The following RNGTT variants were observed in gnomAD, a reference collection of about 807,000 sequenced individuals.
RNGTT encodes the protein RNA guanylyltransferase and 5'-phosphatase.
In RNGTT, 33 loss-of-function variants were observed where a neutral mutation model predicts 79.3. That is an observed-to-expected ratio of 0.42 (90% CI 0.32 to 0.56). The LOEUF (loss-of-function observed/expected upper bound fraction) is 0.56. RNGTT is among the 20% of genes least tolerant of loss of function. The pLI, the probability that RNGTT is intolerant of heterozygous loss-of-function variation, is 0.17. For synonymous variants in RNGTT, 222 were observed against 235.9 expected, an observed-to-expected ratio of 0.94 and a Z score of 0.54; for missense variants, 497 against 739.1, an observed-to-expected ratio of 0.67 and a Z score of 3.80.
chr6:88,740,825 T>C (rs1777462145), intron 13 of RNGTT, among the ~76,000 whole-genome samples: 1 of 152,076 alleles, frequency 6.6e-6, no homozygotes, highest in Non-Finnish European at 1.5e-5. Flanking sequence ...CAAACTACCA[T>C]GGCACACATA....
chr6:88,782,397 A>T (rs1779093501), intron 12 of RNGTT, among the ~76,000 whole-genome samples: 1 of 152,070 alleles, frequency 6.6e-6, no homozygotes, highest in Non-Finnish European at 1.5e-5. Context: ...ATACACAAAA[A>T]TCAACTCAAA....
At chr6:88,819,466 T>C (rs901703283) in intron 11 of RNGTT, among the ~76,000 whole-genome samples, 1 of 152,216 alleles carries the variant, frequency 6.6e-6, no homozygotes, top group African/African-American at 2.4e-5. Context: ...ATCCAAACAG[T>C]AGGATCTGCA....
chr6:88,883,258 T>C (rs947565926), intron 8 of RNGTT, among the ~76,000 whole-genome samples: 2 of 151,944 alleles, frequency 1.3e-5, no homozygotes, highest in African/African-American at 4.8e-5. Context: ...TAAATCCATG[T>C]CTTACTTTGC....
At chr6:88,956,012 G>A (rs1368726609) in intron 1 of RNGTT, among the ~76,000 whole-genome samples, 1 of 135,284 alleles carries the variant, frequency 7.4e-6, no homozygotes, top group Non-Finnish European at 1.5e-5. Context: ...CTGCACTCCA[G>A]CCTGGGTGAC....
intron 8 of RNGTT, among the ~76,000 whole-genome samples, chr6:88,883,645 T>C (rs914842129): frequency 6.6e-6 from 1 of 152,152 alleles, no homozygotes; most frequent in Non-Finnish European, 1.5e-5. Flanking sequence ...AGATTGCCTA[T>C]AATTTAAAAA....
At chr6:88,953,394 C>A (rs924194789) in intron 1 of RNGTT, among the ~76,000 whole-genome samples, 18 of 151,962 alleles carry the variant, frequency 1.2e-4, no homozygotes, top group Non-Finnish European at 2.5e-4. Context: ...GAAGACAAAG[C>A]TTTCAAATTA....
intron 13 of RNGTT, among the ~76,000 whole-genome samples, chr6:88,686,537 C>T (rs1417478032): frequency 6.6e-6 from 1 of 151,886 alleles, no homozygotes; most frequent in Non-Finnish European, 1.5e-5. Context: ...TCTCATGAAG[C>T]TTTAGCAATA....
chr6:88,656,810 C>T (rs207467230), intron 14 of RNGTT, among the ~76,000 whole-genome samples: 1 of 151,544 alleles, frequency 6.6e-6, no homozygotes, highest in Non-Finnish European at 1.5e-5. Context: ...TTGAGGAAGG[C>T]CAGGCACAGT....
At chr6:88,879,877 G>C (rs1403938950) in intron 8 of RNGTT, among the ~76,000 whole-genome samples, 1 of 152,072 alleles carries the variant, frequency 6.6e-6, no homozygotes, top group Non-Finnish European at 1.5e-5. Flanking sequence ...AGCCAAATGT[G>C]ACCTGCTAAT....
intron 13 of RNGTT, among the ~76,000 whole-genome samples, chr6:88,680,677 G>A (rs1775060075): frequency 6.6e-6 from 1 of 151,562 alleles, no homozygotes; most frequent in Non-Finnish European, 1.5e-5. Flanking sequence ...AGGAGGCAGA[G>A]GTTGCAGTGA....
chr6:88,677,285 G>GAAAAA (rs35139705), intron 14 of RNGTT, among the ~76,000 whole-genome samples: 1 of 109,222 alleles, frequency 9.2e-6, no homozygotes, highest in Non-Finnish European at 1.9e-5. Flanking sequence ...TGGAGACCAG[G>GAAAAA]AAAAAAAAAA....
At chr6:88,726,650 G>A (rs1776918299) in intron 13 of RNGTT, among the ~76,000 whole-genome samples, 1 of 152,152 alleles carries the variant, frequency 6.6e-6, no homozygotes, top group Non-Finnish European at 1.5e-5. Flanking sequence ...TTCAGTAAGT[G>A]ATAAGGAAAC....
At chr6:88,901,820 G>GA (rs915586677) in intron 6 of RNGTT, among the ~76,000 whole-genome samples, 14 of 151,868 alleles carry the variant, frequency 9.2e-5, no homozygotes, top group Non-Finnish European at 8.8e-5. Context: ...TTTATACTCA[G>GA]AAAAAACATT....
chr6:88,762,042 T>C (rs1778278722), intron 13 of RNGTT, among the ~76,000 whole-genome samples: 1 of 152,040 alleles, frequency 6.6e-6, no homozygotes, highest in Non-Finnish European at 1.5e-5. Flanking sequence ...TACCAGACAC[T>C]TACTTTAAAC....
At chr6:88,699,415 T>C (rs1232947963) in intron 13 of RNGTT, among the ~76,000 whole-genome samples, 1 of 152,200 alleles carries the variant, frequency 6.6e-6, no homozygotes, top group Non-Finnish European at 1.5e-5. Flanking sequence ...TTTTTCACGG[T>C]GGCTCATGCC....
At chr6:88,962,563 A>G (rs1430299591) in intron 1 of RNGTT, among the ~76,000 whole-genome samples, 1 of 152,080 alleles carries the variant, frequency 6.6e-6, no homozygotes, top group Non-Finnish European at 1.5e-5. Flanking sequence ...ACTTGAGGCC[A>G]GGCGTTGGAG....
chr6:88,681,436 C>A (rs544339538), intron 13 of RNGTT, among the ~76,000 whole-genome samples: 8 of 152,190 alleles, frequency 5.3e-5, no homozygotes, highest in African/African-American at 1.9e-4. Flanking sequence ...TTATCCCTTA[C>A]CATATATTAT....
At chr6:88,901,988 A>T (rs1783485078) in intron 6 of RNGTT, among the ~76,000 whole-genome samples, 1 of 152,180 alleles carries the variant, frequency 6.6e-6, no homozygotes, top group African/African-American at 2.4e-5. Context: ...GAGCAGCAGA[A>T]AGGGTAAATA....
intron 12 of RNGTT, among the ~76,000 whole-genome samples, chr6:88,770,855 C>T (rs762357351): frequency 6.6e-6 from 1 of 152,162 alleles, no homozygotes; most frequent in Non-Finnish European, 1.5e-5. Flanking sequence ...TCTAATGACA[C>T]AAAGATGGTG....
Sources: allele counts gnomAD v4.1 joint callset (sites outside exome capture counted in the v4.1 genomes callset), GRCh38; gene constraint gnomAD v4.1.1; transcripts MANE v1.5; gene names NCBI Gene and HGNC (gene_info 2026-07-23, HGNC 2026-07-21).